XKR6: variants seen among roughly 807,000 people sequenced by gnomAD.
The protein encoded by XKR6 is XK-related protein 6.
Under a neutral mutation model 56.7 loss-of-function variants are expected in XKR6, and 22 were observed. The ratio of observed to expected loss-of-function variants is 0.39; its 90% confidence interval spans 0.28 to 0.55. The LOEUF (loss-of-function observed/expected upper bound fraction) is 0.55, where lower values mean the gene tolerates loss of function less well. XKR6 is among the 20% of genes least tolerant of loss of function. The pLI is 0.66. For missense variants in XKR6, 852 were observed against 889.0 expected, an observed-to-expected ratio of 0.96 and a Z score of 0.53; for synonymous variants, 524 against 387.8, an observed-to-expected ratio of 1.35 and a Z score of -4.13.
chr8:10,947,958 G>A (rs938028401), intron 1 of XKR6, among the ~76,000 whole-genome samples: 1 of 152,216 alleles, frequency 6.6e-6, no homozygotes, highest in Non-Finnish European at 1.5e-5. Context: ...TGGCTGTCAG[G>A]CCTGGGGTTG....
At chr8:11,129,655 G>T (rs1414675284) in intron 1 of XKR6, among the ~76,000 whole-genome samples, 2 of 152,142 alleles carry the variant, frequency 1.3e-5, no homozygotes, top group African/African-American at 4.8e-5. Context: ...CACTTTAAAT[G>T]TTATAAAACC....
chr8:11,151,195 T>A (rs2116974918), intron 1 of XKR6, among the ~76,000 whole-genome samples: 1 of 152,318 alleles, frequency 6.6e-6, no homozygotes, highest in Non-Finnish European at 1.5e-5. Flanking sequence ...TAATAATTTT[T>A]GTCCCAAAAG....
chr8:11,077,791 C>G (rs967287806), intron 1 of XKR6, among the ~76,000 whole-genome samples: 2 of 152,210 alleles, frequency 1.3e-5, no homozygotes, highest in African/African-American at 4.8e-5. Flanking sequence ...ATGGCAACCG[C>G]TCCAATCTGT....
chr8:10,965,347 C>T (rs1164714728), intron 1 of XKR6, among the ~76,000 whole-genome samples: 2 of 152,232 alleles, frequency 1.3e-5, no homozygotes, highest in East Asian at 3.9e-4. Flanking sequence ...GAAGGCTCCT[C>T]CGAGCACCAC....
chr8:11,007,277 T>A (rs1798391714), intron 1 of XKR6, among the ~76,000 whole-genome samples: 1 of 152,216 alleles, frequency 6.6e-6, no homozygotes, highest in South Asian at 2.1e-4. Context: ...TGTCTTGTCA[T>A]GTATGATAGT....
At chr8:11,164,485 G>T (rs931722173) in intron 1 of XKR6, among the ~76,000 whole-genome samples, 6 of 152,234 alleles carry the variant, frequency 3.9e-5, no homozygotes, top group African/African-American at 9.6e-5. Context: ...ATCCGAAAGG[G>T]AAAAAAGCAG....
At chr8:10,924,113 C>T (rs1214614360) in intron 2 of XKR6, among the ~76,000 whole-genome samples, 2 of 152,212 alleles carry the variant, frequency 1.3e-5, no homozygotes, top group African/African-American at 4.8e-5. Flanking sequence ...CTCCTGGGCC[C>T]TCTCCCCTGC....
intron 1 of XKR6, among the ~76,000 whole-genome samples, chr8:11,159,557 A>G (rs893231443): frequency 6.6e-6 from 1 of 152,220 alleles, no homozygotes; most frequent in African/African-American, 2.4e-5. Flanking sequence ...CTACATCAGC[A>G]GCATCAGCTT....
intron 1 of XKR6, among the ~76,000 whole-genome samples, chr8:11,104,398 G>A (rs889577670): frequency 2.6e-5 from 4 of 152,194 alleles, no homozygotes; most frequent in South Asian, 2.1e-4. Context: ...TATATATACA[G>A]CCCTTGGCAC....
chr8:11,079,851 C>T (rs1797658675), intron 1 of XKR6, among the ~76,000 whole-genome samples: 1 of 152,106 alleles, frequency 6.6e-6, no homozygotes, highest in South Asian at 2.1e-4. Context: ...CCTGTAGACC[C>T]AGCCACTCAG....
At chr8:11,136,218 C>G (rs557793286) in intron 1 of XKR6, among the ~76,000 whole-genome samples, 2 of 152,258 alleles carry the variant, frequency 1.3e-5, no homozygotes, top group South Asian at 4.2e-4. Flanking sequence ...ATGTTTATGT[C>G]TTTCAAAAAT....
intron 1 of XKR6, among the ~76,000 whole-genome samples, chr8:11,038,516 T>A (rs945243626): frequency 4.8e-5 from 7 of 147,012 alleles, no homozygotes; most frequent in African/African-American, 1.6e-4. Context: ...TGTGTGTGTG[T>A]GTGTGTGTGT....
At chr8:11,013,500 G>A (rs1277041415) in intron 1 of XKR6, among the ~76,000 whole-genome samples, 4 of 152,206 alleles carry the variant, frequency 2.6e-5, no homozygotes, top group Non-Finnish European at 4.4e-5. Flanking sequence ...CCTGGCAGAG[G>A]TGGGTTCCAG....
At chr8:11,114,773 G>GTATA (rs1554461878) in intron 1 of XKR6, among the ~76,000 whole-genome samples, 6,856 of 146,546 alleles carry the variant, frequency 0.047, 196 homozygotes, top group Non-Finnish European at 0.056. Flanking sequence ...GTGTGTGTGT[G>GTATA]TATGTGCCAG....
Position 11,110,066 on chromosome 8 carries a change from G to A in XKR6, c.764+90510C>T, listed in dbSNP as rs535186565. Among the ~76,000 whole-genome samples, 37 of 152,120 alleles carry A rather than the reference G, an allele frequency of 2.4e-4. No homozygotes were observed. The South Asian group carries it at 5.2e-3, about 21-fold the overall frequency. ...CGGCTTACTGCAGCCTCCACCTCCC[G>A]GGTTCAAGCAATTCTCCTGCCTTAG... On this transcript the variant is annotated intron_variant, in intron 1 of 2. Transcript: ENST00000416569.
chr8:10,969,708 A>G (rs1472616465), intron 1 of XKR6, among the ~76,000 whole-genome samples: 1 of 152,240 alleles, frequency 6.6e-6, no homozygotes, highest in South Asian at 2.1e-4. Flanking sequence ...TGAACGTGAA[A>G]GATGGAAACA....
chr8:10,905,543 T>C (rs897442603), intron 2 of XKR6, among the ~76,000 whole-genome samples: 12 of 152,190 alleles, frequency 7.9e-5, no homozygotes, highest in African/African-American at 2.9e-4. Flanking sequence ...CTAACTTGTA[T>C]GGCATTGTAC....
At chr8:10,978,548 C>T (rs1377052732) in intron 1 of XKR6, among the ~76,000 whole-genome samples, 4 of 152,282 alleles carry the variant, frequency 2.6e-5, no homozygotes, top group African/African-American at 7.2e-5. Flanking sequence ...ATTAGGGTCT[C>T]GTGCATTCTC....
At chr8:10,915,495 T>G (rs764058458) in intron 2 of XKR6, among the ~76,000 whole-genome samples, 1 of 123,696 alleles carries the variant, frequency 8.1e-6, no homozygotes, top group African/African-American at 3.4e-5. Context: ...TGAGTTTGCC[T>G]TTCTCCTGTT....
Sources: allele counts gnomAD v4.1 joint callset (sites outside exome capture counted in the v4.1 genomes callset), GRCh38; gene constraint gnomAD v4.1.1; transcripts MANE v1.5; gene names NCBI Gene and HGNC (gene_info 2026-07-23, HGNC 2026-07-21).